The following TMEM218 variants were observed in gnomAD, a reference collection of about 807,000 sequenced individuals.
TMEM218 encodes transmembrane protein 218.
A neutral mutation model predicts 10.0 loss-of-function variants in TMEM218; 8 were observed. The observed-to-expected ratio is 0.80, with a 90% CI of 0.47 to 1.44. The LOEUF (loss-of-function observed/expected upper bound fraction) is 1.44, where lower values mean the gene tolerates loss of function less well. Ranked by LOEUF, TMEM218 falls within the 40% of genes most tolerant of loss-of-function variation. The pLI is 0.00. For missense variants in TMEM218, 110 were observed against 140.1 expected, an observed-to-expected ratio of 0.79 and a Z score of 1.08; for synonymous variants, 66 against 63.5, an observed-to-expected ratio of 1.04 and a Z score of -0.18.
chr11:125,109,530 T>C (rs190867390), intron 1 of TMEM218, among the ~76,000 whole-genome samples: 2 of 152,362 alleles, frequency 1.3e-5, no homozygotes, highest in Admixed American at 6.5e-5. Context: ...ATAGATATTA[T>C]ACTACCCAAT....
intron 1 of TMEM218, among the ~76,000 whole-genome samples, chr11:125,106,362 C>CT (rs1269142638): frequency 1.3e-5 from 2 of 151,972 alleles, no homozygotes; most frequent in Non-Finnish European, 2.9e-5. Flanking sequence ...CAAAAGGAAC[C>CT]ATTCAGTAAA....
chr11:125,104,123 G>A (rs1951554851), intron 1 of TMEM218: 1 of 152,178 alleles, frequency 6.6e-6, no homozygotes, highest in African/African-American at 2.4e-5. Context: ...ATAGTGAGAG[G>A]GGCTTTACAA....
At chr11:125,110,087 T>C (rs1953399082) in intron 1 of TMEM218, among the ~76,000 whole-genome samples, 1 of 152,248 alleles carries the variant, frequency 6.6e-6, no homozygotes, top group Non-Finnish European at 1.5e-5. Flanking sequence ...AGAGTGCTGC[T>C]ATAGAGGAAG....
In TMEM218 at chr11:125,102,281, G is replaced by A. The variant is rs374548737; in HGVS notation, c.-40C>T. ...GCGGCGGCCCCCCGCCCTGCGCGCC[G>A]CACGATCGAGTGTCCTCTGTGCTCC... On this transcript the variant is annotated 5_prime_UTR_variant, in exon 3 of 5. Coordinates refer to ENST00000682305, the MANE Select transcript of TMEM218 (RefSeq NM_001258244.2). 1.5e-4 allele frequency: 240 copies of A among 1,596,570 alleles called. 1 individual carries two copies. The highest frequency in any genetic ancestry group is 8.6e-4 in the Admixed American group (48 of 55,950).
chr11:125,095,016 T>C lies in TMEM218; in HGVS notation c.*2590A>G, dbSNP rs1949452927. Among the ~76,000 whole-genome samples, 1 of 152,206 alleles carries C rather than the reference T, an allele frequency of 6.6e-6. No individual in the cohort carries two copies. The highest frequency in any genetic ancestry group is 2.1e-4 in the South Asian group (1 of 4,836). On this transcript the variant is annotated 3_prime_UTR_variant, in exon 5 of 5. Coordinates refer to ENST00000682305, the MANE Select transcript of TMEM218 (RefSeq NM_001258244.2). ...ATGCAGTTTTACATTAAATTTACATTGTACACAAAGAATGGTAGCTTTACT... is the reference window on the plus strand; with the variant it reads ...ATGCAGTTTTACATTAAATTTACATCGTACACAAAGAATGGTAGCTTTACT...
Position 125,097,690 on chromosome 11 carries a change from A to C in TMEM218, c.264T>G (p.Ser88Arg). 6.2e-7 allele frequency: 1 copy of C among 1,614,216 alleles called. No homozygotes were observed. Among genetic ancestry groups the C allele is most frequent in the South Asian group, 1.1e-5 (1 of 91,076 alleles). ...IGRYVLLAFL[S>R]AIFLGGLFLV... Reference sequence around the variant, plus strand: ...AGAAGAGGCCTCCAAGGAAGATGGCACTAAGGAAAGCCAGCAGGACATAGC... The same window carrying C: ...AGAAGAGGCCTCCAAGGAAGATGGCCCTAAGGAAAGCCAGCAGGACATAGC... Residue 88 changes from serine to arginine, a missense_variant, in exon 5 of 5, where the codon AGT (serine) becomes AGG (arginine). By Grantham distance (110) the Ser-to-Arg change is moderately radical. Coordinates refer to ENST00000682305, the MANE Select transcript of TMEM218 (RefSeq NM_001258244.2).
Position 125,101,238 on chromosome 11 carries a change from C to A in TMEM218, c.176G>T (p.Arg59Leu). The change falls in exon 4 of 5, where the codon CGA (arginine) becomes CTA (leucine). Residue 59 changes from arginine (R) to leucine (L), a missense_variant. Physicochemically the swap from Arg to Leu is moderately radical, Grantham distance 102. Coordinates refer to ENST00000682305, the MANE Select transcript of TMEM218 (RefSeq NM_001258244.2). ...TTCTGGGGCTGGGAATTCACCAGCT[C>A]GCGGGAAAAGCAACAGAACTGATGT... ...IITSVLLLFP[R>L]AGEFPAPEVE... 2 of 1,613,526 alleles carry A rather than the reference C, an allele frequency of 1.2e-6. No individual in the cohort carries two copies. Among genetic ancestry groups the A allele is most frequent in the Middle Eastern group, 1.6e-4 (1 of 6,062 alleles).
intron 2 of TMEM218, 60 bp from the exon 3 acceptor site, chr11:125,102,377 G>A: frequency 6.5e-7 from 1 of 1,527,198 alleles, no homozygotes; most frequent in Admixed American, 2.1e-5. Flanking sequence ...GTTATTTTTT[G>A]ATGATCAGTG....
In TMEM218 at chr11:125,097,495, C is replaced by T. The variant is rs139860023; in HGVS notation, c.*111G>A. The T allele has an allele frequency of 1.8e-4, 230 of 1,273,838 alleles. No homozygotes were observed. The African/African-American group carries it at 2.4e-3, about 13-fold the overall frequency. The allele number at this position is 1,273,838 out of a possible 1,614,324, so 78.9% of individuals were successfully genotyped here. ...GTCTTAGTGATGGACAGATACTCCT[C>T]TAACCTTAAGGCATGAGGGCTGTCA... On this transcript the variant is annotated 3_prime_UTR_variant, in exon 5 of 5. Coordinates refer to ENST00000682305, the MANE Select transcript of TMEM218 (RefSeq NM_001258244.2).
rs1368212694 is a variant in TMEM218, at chr11:125,095,921, C to G, written c.*1685G>C. Among the ~76,000 whole-genome samples, 1 of 152,174 alleles carries G rather than the reference C, an allele frequency of 6.6e-6. No homozygotes were observed. The highest frequency in any genetic ancestry group is 6.5e-5 in the Admixed American group (1 of 15,280). ...GCTCTCAGAAGAAGGTAACAATTGG[C>G]AGCTTGTGCTTGTTAGGAGCCAAGC... is the stretch of plus-strand genomic sequence containing the variant. On this transcript the variant is annotated 3_prime_UTR_variant, in exon 5 of 5. Transcript: ENST00000682305.
Position 125,097,558 on chromosome 11 carries a change from G to C in TMEM218, c.*48C>G, listed in dbSNP as rs1422923476. The stretch of plus-strand genomic sequence containing the variant: ...GAATAGTGCCTTCCTGCTCATCAAT[G>C]TCATCACAATGAAGGAGAGAACAGG... On this transcript the variant is annotated 3_prime_UTR_variant, in exon 5 of 5. Coordinates refer to ENST00000682305, the MANE Select transcript of TMEM218 (RefSeq NM_001258244.2). 1 of 1,600,188 alleles carries C rather than the reference G, an allele frequency of 6.2e-7. No homozygotes were observed. Among genetic ancestry groups the C allele is most frequent in the East Asian group, 2.2e-5 (1 of 44,660 alleles).
chr11:125,106,912 A>G (rs1952316166), intron 1 of TMEM218, among the ~76,000 whole-genome samples: 1 of 152,234 alleles, frequency 6.6e-6, no homozygotes, highest in African/African-American at 2.4e-5. Context: ...AACCTTAAAC[A>G]ATCCAAATAT....
intron 3 of TMEM218, chr11:125,101,626 C>T (rs1591383398): frequency 1.4e-6 from 1 of 731,250 alleles, no homozygotes; most frequent in Admixed American, 3.1e-5. Context: ...GTTTTTAGAA[C>T]AGAATACTTT....
chr11:125,102,270 C>A lies in TMEM218; in HGVS notation c.-29G>T. 6.2e-7 allele frequency: 1 copy of A among 1,606,756 alleles called. No individual in the cohort carries two copies. Among genetic ancestry groups the A allele is most frequent in the Non-Finnish European group, 8.5e-7 (1 of 1,177,344 alleles). ...GCGGGGAGGCAGCGGCGGCCCCCCG[C>A]CCTGCGCGCCGCACGATCGAGTGTC... is the stretch of plus-strand genomic sequence containing the variant. On this transcript the variant is annotated 5_prime_UTR_variant, in exon 3 of 5. Coordinates refer to ENST00000682305, the MANE Select transcript of TMEM218 (RefSeq NM_001258244.2).
intron 3 of TMEM218, 22 bp from the exon 4 acceptor site, chr11:125,101,325 A>G: frequency 6.2e-7 from 1 of 1,604,534 alleles, no homozygotes; most frequent in Non-Finnish European, 8.5e-7. Flanking sequence ...AAGACAAATT[A>G]TTAAAAGCAC....
At chr11:125,102,362 TA>T (rs1951016358) in intron 2 of TMEM218, 45 bp from the exon 3 acceptor site, 5 of 1,531,312 alleles carry the variant, frequency 3.3e-6, no homozygotes, top group Non-Finnish European at 4.4e-6. Context: ...CTAAACTCAT[TA>T]CAGGTTATTT....
Position 125,102,330 on chromosome 11 carries a change from C to A in TMEM218, c.-76-13G>T. Reference sequence around the variant, plus strand: ...CCAGTGCAACACACTCCCGTGAAAGCATTCAGACAAATACAGAAAGCCTAA... The same window carrying A: ...CCAGTGCAACACACTCCCGTGAAAGAATTCAGACAAATACAGAAAGCCTAA... On this transcript the variant is annotated splice_polypyrimidine_tract_variant and intron_variant, in intron 2 of 4. Coordinates refer to ENST00000682305, the MANE Select transcript of TMEM218 (RefSeq NM_001258244.2). The A allele has an allele frequency of 6.4e-7, 1 of 1,551,788 alleles. No individual in the cohort carries two copies. The highest frequency in any genetic ancestry group is 1.2e-5 in the South Asian group (1 of 85,076).
In TMEM218 at chr11:125,097,559, T is replaced by C; in HGVS notation, c.*47A>G. Reference sequence around the variant, plus strand: ...AATAGTGCCTTCCTGCTCATCAATGTCATCACAATGAAGGAGAGAACAGGT... The same window carrying C: ...AATAGTGCCTTCCTGCTCATCAATGCCATCACAATGAAGGAGAGAACAGGT... On this transcript the variant is annotated 3_prime_UTR_variant, in exon 5 of 5. Coordinates refer to ENST00000682305, the MANE Select transcript of TMEM218 (RefSeq NM_001258244.2). 1 of 1,600,886 alleles carries C rather than the reference T, an allele frequency of 6.2e-7. No individual in the cohort carries two copies. Among genetic ancestry groups the C allele is most frequent in the Non-Finnish European group, 8.5e-7 (1 of 1,171,444 alleles).
Position 125,102,318 on chromosome 11 carries a change from C to T in TMEM218, c.-76-1G>A, listed in dbSNP as rs764655351. On this transcript the variant is annotated splice_acceptor_variant, in intron 2 of 4. Transcript: ENST00000682305. LOFTEE classifies it low-confidence loss of function (5UTR_SPLICE). ...GTCCTCTGTGCTCCAGTGCAACACACTCCCGTGAAAGCATTCAGACAAATA... is the reference window on the plus strand; with the variant it reads ...GTCCTCTGTGCTCCAGTGCAACACATTCCCGTGAAAGCATTCAGACAAATA... The T allele has an allele frequency of 3.2e-6, 5 of 1,560,614 alleles. No homozygotes were observed. The South Asian group carries it at 3.5e-5, about 11-fold the overall frequency.
Sources: allele counts gnomAD v4.1 joint callset (sites outside exome capture counted in the v4.1 genomes callset), GRCh38; gene constraint gnomAD v4.1.1; transcripts MANE v1.5; gene names NCBI Gene and HGNC (gene_info 2026-07-23, HGNC 2026-07-21).